Variants in EXOC4 observed in about 807,000 individuals in gnomAD.
The protein encoded by EXOC4 is exocyst complex component 4.
Under a neutral mutation model 107.2 loss-of-function variants are expected in EXOC4, and 71 were observed. That is an observed-to-expected ratio of 0.66 (90% CI 0.55 to 0.81). The LOEUF is 0.81. Ranked by LOEUF, EXOC4 falls within the 30% of genes least tolerant of loss-of-function variation. The pLI, the probability that EXOC4 is intolerant of heterozygous loss-of-function variation, is 0.00. For missense variants in EXOC4, 1,108 were observed against 1,189.6 expected (o/e 0.93, Z 1.01); for synonymous variants, 456 against 441.2 (o/e 1.03, Z -0.42).
intron 4 of EXOC4, among the ~76,000 whole-genome samples, chr7:133,309,880 C>G (rs11760926): frequency 0.15 from 22,674 of 151,918 alleles, 2,006 homozygotes; most frequent in Non-Finnish European, 0.2. Flanking sequence ...GTGAAAGTTG[C>G]AGTGAGCCGA....
chr7:133,898,745 C>CAA lies in EXOC4; in HGVS notation c.1871+3033_1871+3034dup, dbSNP rs869131471. ...TGGGCGACAGAGCAAGACTCTGTCT[C>CAA]AAAAAAAAAAAAAAAAAAAAAAAAG... On this transcript the variant is annotated intron_variant, in intron 12 of 17. Transcript: ENST00000253861. 1.1e-3 allele frequency among the ~76,000 whole-genome samples: 69 copies of CAA among 64,766 alleles called. 1 individual carries two copies. Among genetic ancestry groups the CAA allele is most frequent in the Non-Finnish European group, 1.1e-3 (40 of 35,530 alleles). 42.5% of individuals were successfully genotyped at this position (64,766 alleles called of 152,430 possible).
chr7:133,407,576 TTAAA>T (rs1797250990), intron 7 of EXOC4, among the ~76,000 whole-genome samples: 1 of 152,170 alleles, frequency 6.6e-6, no homozygotes, highest in Non-Finnish European at 1.5e-5. Flanking sequence ...TATGTAATGT[TTAAA>T]TAAGCTATGA....
At chr7:133,487,074 T>G (rs1167740698) in intron 9 of EXOC4, among the ~76,000 whole-genome samples, 1 of 152,234 alleles carries the variant, frequency 6.6e-6, no homozygotes, top group East Asian at 1.9e-4. Context: ...TCTGAATAAA[T>G]CTGATCCATG....
In EXOC4 at chr7:133,765,988, A is replaced by G. The variant is rs546970966; in HGVS notation, c.1515-51337A>G. Among the ~76,000 whole-genome samples, 3 of 152,110 alleles carry G rather than the reference A, an allele frequency of 2.0e-5. No individual in the cohort carries two copies. The South Asian group carries it at 6.2e-4, about 32-fold the overall frequency. On this transcript the variant is annotated intron_variant, in intron 10 of 17. Coordinates refer to ENST00000253861, the MANE Select transcript of EXOC4 (RefSeq NM_021807.4). ...TTAGAGATAGAGCTCCATAAAACGAAAGTGAGGATGATATCTGGTAAAGTT... is the reference window on the plus strand; with the variant it reads ...TTAGAGATAGAGCTCCATAAAACGAGAGTGAGGATGATATCTGGTAAAGTT...
chr7:133,448,092 G>T (rs1302830879), intron 7 of EXOC4, among the ~76,000 whole-genome samples: 1 of 152,154 alleles, frequency 6.6e-6, no homozygotes, highest in Non-Finnish European at 1.5e-5. Flanking sequence ...GTGACTGTGG[G>T]TTAAAAAGTG....
At chr7:133,531,609 AG>A (rs1297106119) in intron 9 of EXOC4, among the ~76,000 whole-genome samples, 2 of 152,158 alleles carry the variant, frequency 1.3e-5, no homozygotes, top group Admixed American at 6.6e-5. Flanking sequence ...TACCACAGTC[AG>A]GGTCCAAAGT....
intron 9 of EXOC4, among the ~76,000 whole-genome samples, chr7:133,502,933 TG>T (rs1390993355): frequency 1.3e-5 from 2 of 152,206 alleles, no homozygotes; most frequent in Non-Finnish European, 2.9e-5. Context: ...TAAGAGACCT[TG>T]TCAGTATTTT....
intron 2 of EXOC4, among the ~76,000 whole-genome samples, chr7:133,284,215 T>C (rs940806688): frequency 7.2e-5 from 11 of 152,222 alleles, no homozygotes; most frequent in Non-Finnish European, 1.5e-4. Context: ...ACAATTGTCT[T>C]TTTCCAATCA....
intron 5 of EXOC4, among the ~76,000 whole-genome samples, chr7:133,322,353 C>G (rs905359321): frequency 6.6e-6 from 1 of 152,050 alleles, no homozygotes. Flanking sequence ...GGTTTTAGGT[C>G]TTACGTTTAA....
intron 16 of EXOC4, among the ~76,000 whole-genome samples, chr7:134,007,275 G>A (rs1794663694): frequency 6.6e-6 from 1 of 152,164 alleles, no homozygotes; most frequent in African/African-American, 2.4e-5. Context: ...GGAGGAAGGA[G>A]AGGCAAAAGG....
intron 1 of EXOC4, among the ~76,000 whole-genome samples, chr7:133,273,427 G>T (rs1052789083): frequency 1.3e-5 from 2 of 152,154 alleles, no homozygotes; most frequent in Non-Finnish European, 1.5e-5. Context: ...TCATGTAAAG[G>T]CTTTAAATCA....
At chr7:133,894,711 G>A (rs1225109317) in intron 11 of EXOC4, among the ~76,000 whole-genome samples, 1 of 83,314 alleles carries the variant, frequency 1.2e-5, no homozygotes, top group South Asian at 5.3e-4. Flanking sequence ...GTGTGCCCCT[G>A]CTGGGGGGTG....
chr7:133,358,201 C>G (rs1484879968), intron 6 of EXOC4, among the ~76,000 whole-genome samples: 1 of 152,046 alleles, frequency 6.6e-6, no homozygotes, highest in Non-Finnish European at 1.5e-5. Flanking sequence ...AACAAACAAA[C>G]AAACACCCCA....
At chr7:134,051,178 G>A (rs919027661) in intron 17 of EXOC4, among the ~76,000 whole-genome samples, 5 of 152,140 alleles carry the variant, frequency 3.3e-5, no homozygotes, top group African/African-American at 4.8e-5. Flanking sequence ...TGAAAATGAC[G>A]TTTTGATCTA....
chr7:133,557,646 T>C (rs1800718706), intron 9 of EXOC4, among the ~76,000 whole-genome samples: 1 of 152,206 alleles, frequency 6.6e-6, no homozygotes, highest in African/African-American at 2.4e-5. Flanking sequence ...AGTAAAAGTC[T>C]TTCTGATCCT....
At position 133,548,008 on chromosome 7, in the gene EXOC4, T is replaced by C. The variant is rs1294551526; in HGVS notation, c.1417+67870T>C. On this transcript the variant is annotated intron_variant, in intron 9 of 17. Coordinates refer to ENST00000253861, the MANE Select transcript of EXOC4 (RefSeq NM_021807.4). Reference sequence around the variant, plus strand: ...CAGAAGAATCACTATTTATAGCAGCTATAGTCTTATGAAATGTGTTTTTTA... The same window carrying C: ...CAGAAGAATCACTATTTATAGCAGCCATAGTCTTATGAAATGTGTTTTTTA... Among the ~76,000 whole-genome samples, 9 of 148,024 alleles carry C rather than the reference T, an allele frequency of 6.1e-5. No individual in the cohort carries two copies. The East Asian group carries it at 1.8e-3, about 29-fold the overall frequency.
At chr7:133,398,683 TG>T in intron 7 of EXOC4, among the ~76,000 whole-genome samples, 1 of 152,310 alleles carries the variant, frequency 6.6e-6, no homozygotes, top group South Asian at 2.1e-4. Flanking sequence ...CATTTGAGTT[TG>T]TATTGTTCTG....
chr7:133,717,595 C>T (rs923370635), intron 10 of EXOC4, among the ~76,000 whole-genome samples: 1 of 152,172 alleles, frequency 6.6e-6, no homozygotes, highest in Non-Finnish European at 1.5e-5. Context: ...CAGTGCCCAG[C>T]ACGGTACTTG....
chr7:133,934,247 A>G (rs1041062199), intron 13 of EXOC4, among the ~76,000 whole-genome samples: 11 of 152,206 alleles, frequency 7.2e-5, no homozygotes, highest in African/African-American at 2.7e-4. Flanking sequence ...ATTCTAACAC[A>G]TAAAAACCTT....
Sources: allele counts gnomAD v4.1 joint callset (sites outside exome capture counted in the v4.1 genomes callset), GRCh38; gene constraint gnomAD v4.1.1; transcripts MANE v1.5; gene names NCBI Gene and HGNC (gene_info 2026-07-23, HGNC 2026-07-21).